KRT72: variants seen among roughly 807,000 people sequenced by gnomAD.
KRT72 encodes keratin, type II cytoskeletal 72.
KRT72 carries 44 observed loss-of-function variants against 44.7 expected under a neutral mutation model. That is an observed-to-expected ratio of 0.98 (90% CI 0.77 to 1.27). The LOEUF (loss-of-function observed/expected upper bound fraction) is 1.27. KRT72 is among the 50% of genes most tolerant of loss of function. The pLI, the probability that KRT72 is intolerant of heterozygous loss-of-function variation, is 0.00. For missense variants in KRT72, 736 were observed against 667.1 expected (o/e 1.10, Z -1.14); for synonymous variants, 302 against 280.4 (o/e 1.08, Z -0.77).
chr12:52,592,929 C>A lies in KRT72; in HGVS notation c.665G>T (p.Arg222Leu), dbSNP rs371373515. The A allele has an allele frequency of 1.9e-6, 3 of 1,613,592 alleles. No homozygotes were observed. The highest frequency in any genetic ancestry group is 1.1e-5 in the South Asian group (1 of 90,962). Residue 222 changes from arginine (R) to leucine (L), a missense_variant, in exon 3 of 9, where the codon CGC becomes CTC. Physicochemically the swap from Arg to Leu is moderately radical, Grantham distance 102. Transcript: ENST00000293745. Reference protein sequence around the residue: ...KKRYEVEINRRTAAENEFVVL... With the variant: ...KKRYEVEINRLTAAENEFVVL... ...CACAAACTCATTCTCAGCAGCTGTG[C>A]GTCTGTTAATCTCCACCTCATACCT...
chr12:52,599,525 G>A (rs1940339664), intron 1 of KRT72: 2 of 450,442 alleles, frequency 4.4e-6, no homozygotes, highest in South Asian at 3.1e-5. Flanking sequence ...CACTTGGTTT[G>A]TTCATTTCTT....
chr12:52,598,829 G>T (rs997633997), intron 2 of KRT72, 69 bp downstream of exon 2: 3 of 1,407,780 alleles, frequency 2.1e-6, no homozygotes, highest in Non-Finnish European at 3.0e-6. Flanking sequence ...AAGCAAAAAT[G>T]CCATCTCCAA....
At chr12:52,601,983 T>TC (rs1330597308), upstream of KRT72, among the ~76,000 whole-genome samples, 1 of 152,212 alleles carries the variant, frequency 6.6e-6, no homozygotes, top group Non-Finnish European at 1.5e-5. Flanking sequence ...GACAGCTCTG[T>TC]CCCTTGTGCA....
chr12:52,593,462 G>A (rs1463256073), intron 2 of KRT72, among the ~76,000 whole-genome samples: 1 of 152,212 alleles, frequency 6.6e-6, no homozygotes, highest in African/African-American at 2.4e-5. Context: ...GGTTAGGACT[G>A]GGATGTTCTT....
chr12:52,601,016 C>T lies in KRT72; in HGVS notation c.426+11G>A. Reference sequence around the variant, plus strand: ...CCCAACGCAGGGACAGGCCAATGCCCGAGGACTCACCTTGTCGATGAAGGA... The same window carrying T: ...CCCAACGCAGGGACAGGCCAATGCCTGAGGACTCACCTTGTCGATGAAGGA... On this transcript the variant is annotated intron_variant, in intron 1 of 8. Transcript: ENST00000293745. The T allele has an allele frequency of 6.2e-7, 1 of 1,610,798 alleles. No homozygotes were observed. The highest frequency in any genetic ancestry group is 8.5e-7 in the Non-Finnish European group (1 of 1,178,970).
intron 2 of KRT72, among the ~76,000 whole-genome samples, chr12:52,597,373 T>C (rs1400821238): frequency 6.6e-6 from 1 of 152,208 alleles, no homozygotes; most frequent in Non-Finnish European, 1.5e-5. Flanking sequence ...CAATGACATA[T>C]GATTAGCATT....
intron 1 of KRT72, chr12:52,599,447 G>C (rs1940337180): frequency 2.1e-6 from 1 of 473,120 alleles, no homozygotes; most frequent in Non-Finnish European, 4.2e-6. Flanking sequence ...GAGAAACAGG[G>C]ACTGGGGAGT....
At chr12:52,599,682 A>G (rs898900139) in intron 1 of KRT72, among the ~76,000 whole-genome samples, 2 of 152,184 alleles carry the variant, frequency 1.3e-5, no homozygotes, top group African/African-American at 4.8e-5. Flanking sequence ...GGCAGAAGGA[A>G]ACATGCTAGG....
At chr12:52,599,731 T>A (rs1226288615) in intron 1 of KRT72, among the ~76,000 whole-genome samples, 1 of 152,158 alleles carries the variant, frequency 6.6e-6, no homozygotes, top group Non-Finnish European at 1.5e-5. Flanking sequence ...TGCTCTGGCC[T>A]CTGGAATAGC....
rs552654638 is a variant in KRT72 at position 52,596,663 on chromosome 12, T to G, written c.641+2235A>C. Among the ~76,000 whole-genome samples, 17 of 152,084 alleles carry G rather than the reference T, an allele frequency of 1.1e-4. 1 individual carries two copies. In the South Asian group the frequency reaches 3.5e-3, roughly 32 times the overall value. The stretch of plus-strand genomic sequence containing the variant: ...GCCTCCCAGGTTCAAGACATTCTAA[T>G]GCCTCAGCCTCTGAGTAGCTGGGAA... On this transcript the variant is annotated intron_variant, in intron 2 of 8. Coordinates refer to ENST00000293745, the MANE Select transcript of KRT72 (RefSeq NM_080747.3).
In KRT72 at chr12:52,590,913, G is replaced by A. The variant is rs1939984840; in HGVS notation, c.1012C>T (p.Leu338Phe). The change falls in exon 6 of 9, where the codon CTC (leucine) becomes TTC (phenylalanine). Residue 338 changes from leucine to phenylalanine, a missense_variant. Physicochemically the swap from Leu to Phe is conservative, Grantham distance 22. Transcript: ENST00000293745. ...TAGQHGDDLK[L>F]TKAEISELNR... ...AGCTCAGAGATTTCAGCCTTGGTGA[G>A]CTTGAGGTCATCCCCATGCTGGCCT... 4 of 1,607,986 alleles carry A rather than the reference G, an allele frequency of 2.5e-6. No individual in the cohort carries two copies. Among genetic ancestry groups the A allele is most frequent in the Admixed American group, 1.7e-5 (1 of 59,974 alleles).
chr12:52,593,242 C>T lies in KRT72; in HGVS notation c.642-290G>A, dbSNP rs148851518. On this transcript the variant is annotated intron_variant, in intron 2 of 8. Coordinates refer to ENST00000293745, the MANE Select transcript of KRT72 (RefSeq NM_080747.3). ...CTGTCCCTCTCCCTGTCACAATTAG[C>T]CCCTCCCACATTATAGCAGAGGTGA... 2.0e-4 allele frequency among the ~76,000 whole-genome samples: 30 copies of T among 152,326 alleles called. No homozygotes were observed. In the East Asian group the frequency reaches 5.8e-3, roughly 29 times the overall value.
At chr12:52,591,355 C>A in intron 5 of KRT72, 109 bp downstream of exon 5, 1 of 1,145,592 alleles carries the variant, frequency 8.7e-7, no homozygotes. Flanking sequence ...TGACTGAGCC[C>A]AAATACACAC....
At chr12:52,599,548 C>A in intron 1 of KRT72, 2 of 437,710 alleles carry the variant, frequency 4.6e-6, no homozygotes, top group Non-Finnish European at 9.2e-6. Flanking sequence ...TTGTTCACAG[C>A]AAGTTACCAC....
intron 8 of KRT72, 56 bp from the exon 9 acceptor site, chr12:52,586,228 C>A: frequency 6.6e-7 from 1 of 1,508,820 alleles, no homozygotes; most frequent in Non-Finnish European, 9.0e-7. Flanking sequence ...CACGTCAGAG[C>A]CCCTTCTTGG....
At position 52,591,537 on chromosome 12, in the gene KRT72, G is replaced by A. The variant is rs1355653453; in HGVS notation, c.890C>T (p.Ala297Val). The A allele has an allele frequency of 6.2e-7, 1 of 1,614,088 alleles. No homozygotes were observed. The highest frequency in any genetic ancestry group is 8.5e-7 in the Non-Finnish European group (1 of 1,179,964). The change falls in exon 5 of 9, where the codon GCC becomes GTC. Residue 297 changes from alanine (A) to valine (V), a missense_variant. Coordinates refer to ENST00000293745, the MANE Select transcript of KRT72 (RefSeq NM_080747.3). Reference protein sequence around the residue: ...NRDLDLDSIIAEVRAQYEEIA... With the variant: ...NRDLDLDSIIVEVRAQYEEIA... Reference sequence around the variant, plus strand: ...CTCCTCGTACTGGGCACGGACCTCGGCAATGATGCTGTCCAGGTCCAGATC... The same window carrying A: ...CTCCTCGTACTGGGCACGGACCTCGACAATGATGCTGTCCAGGTCCAGATC...
chr12:52,587,577 C>G, intron 7 of KRT72, 54 bp downstream of exon 7: 4 of 1,586,312 alleles, frequency 2.5e-6, no homozygotes, highest in Non-Finnish European at 3.5e-6. Context: ...CTTGGAGCTT[C>G]CTACCAAAGC....
rs556054231 is a variant in KRT72, at chr12:52,586,266, G to T, written c.1346-94C>A. ...ATCTCGGGCCACCTCCTTTACTCTC[G>T]CCCGCAGTGGCTTCCTGCTGAGATG... On this transcript the variant is annotated intron_variant, in intron 8 of 8. Coordinates refer to ENST00000293745, the MANE Select transcript of KRT72 (RefSeq NM_080747.3). 43 of 964,598 alleles carry T rather than the reference G, an allele frequency of 4.5e-5. No individual in the cohort carries two copies. In the African/African-American group the frequency reaches 5.9e-4, roughly 13 times the overall value. The allele number at this position is 964,598 out of a possible 1,614,324, so 59.8% of individuals were successfully genotyped here.
At chr12:52,601,552 G>A, upstream of KRT72, 2 of 1,223,394 alleles carry the variant, frequency 1.6e-6, no homozygotes, top group Non-Finnish European at 1.1e-6. Flanking sequence ...CTGGCTGGCT[G>A]GAGTCAGCCT....
Sources: allele counts gnomAD v4.1 joint callset (sites outside exome capture counted in the v4.1 genomes callset), GRCh38; gene constraint gnomAD v4.1.1; transcripts MANE v1.5; gene names NCBI Gene and HGNC (gene_info 2026-07-23, HGNC 2026-07-21).